HDAC8: variants seen among roughly 807,000 people sequenced by gnomAD.
The protein encoded by HDAC8 is histone deacetylase 8.
In HDAC8, 1 loss-of-function variant was observed where a neutral mutation model predicts 32.2. That is an observed-to-expected ratio of 0.03 (90% CI 0.01 to 0.15). HDAC8 has a LOEUF of 0.15. Among genes scored for constraint, HDAC8 ranks in the 10% least tolerant of loss-of-function variants. The probability of loss-of-function intolerance (pLI) is 1.00; values close to 1 mark genes in which losing one functional copy is unlikely to be tolerated. For missense variants in HDAC8, 117 were observed against 300.0 expected (o/e 0.39, Z 4.51); for synonymous variants, 108 against 113.9 (o/e 0.95, Z 0.33).
chrX:72,406,263 C>A (rs2046036185), intron 9 of HDAC8, among the ~76,000 whole-genome samples: 1 of 111,921 alleles, frequency 8.9e-6, no homozygotes, highest in African/African-American at 3.3e-5. Context: ...GGGTCTATCT[C>A]TGTTGCCCAA....
chrX:72,505,842 C>G (rs1381708287), intron 4 of HDAC8, among the ~76,000 whole-genome samples: 1 of 111,493 alleles, frequency 9.0e-6, no homozygotes, highest in Non-Finnish European at 1.9e-5. Context: ...GTTTTGGCAC[C>G]TACTTGTAAA....
At chrX:72,530,952 G>A (rs1238043038) in intron 4 of HDAC8, among the ~76,000 whole-genome samples, 1 of 112,168 alleles carries the variant, frequency 8.9e-6, no homozygotes, top group Non-Finnish European at 1.9e-5. Flanking sequence ...GAAGAACACC[G>A]TGAAGGTGAC....
At chrX:72,367,836 G>A (rs782366679) in intron 9 of HDAC8, among the ~76,000 whole-genome samples, 113 of 112,863 alleles carry the variant, frequency 1.0e-3, no homozygotes, top group African/African-American at 3.4e-3. Flanking sequence ...CTCACAGCAG[G>A]CTCTGCTTCC....
chrX:72,496,980 C>T (rs993602403), intron 4 of HDAC8, among the ~76,000 whole-genome samples: 7 of 111,533 alleles, frequency 6.3e-5, no homozygotes, highest in Non-Finnish European at 1.3e-4. Flanking sequence ...TTTTGCGTTA[C>T]GAGAAATGGC....
intron 9 of HDAC8, among the ~76,000 whole-genome samples, chrX:72,431,671 T>A (rs2046822480): frequency 9.0e-6 from 1 of 111,523 alleles, no homozygotes; most frequent in Admixed American, 9.6e-5. Context: ...TTGTTGAAGT[T>A]CCTCTCATCA....
At chrX:72,335,969 A>T (rs1402069778) in intron 10 of HDAC8, among the ~76,000 whole-genome samples, 1 of 110,828 alleles carries the variant, frequency 9.0e-6, no homozygotes, top group African/African-American at 3.3e-5. Flanking sequence ...AACAAACAAC[A>T]AAAAAGACCC....
intron 9 of HDAC8, among the ~76,000 whole-genome samples, chrX:72,454,275 G>A (rs1378317833): frequency 1.8e-5 from 2 of 111,769 alleles, no homozygotes; most frequent in African/African-American, 6.5e-5. Flanking sequence ...TGTTACCCTG[G>A]TGGCAGACAG....
intron 4 of HDAC8, among the ~76,000 whole-genome samples, chrX:72,519,090 A>G (rs1253699240): frequency 1.8e-5 from 2 of 112,562 alleles, no homozygotes; most frequent in African/African-American, 6.4e-5. Flanking sequence ...TGTGTAAATA[A>G]CCTAGGAGCA....
chrX:72,462,334 A>G (rs2047890923), intron 8 of HDAC8: 1 of 308,630 alleles, frequency 3.2e-6, no homozygotes, highest in East Asian at 4.9e-5. Context: ...AAGATTAAAT[A>G]GGCTCCCATC....
chrX:72,405,982 C>A (rs144884647), intron 9 of HDAC8, among the ~76,000 whole-genome samples: 1,715 of 111,886 alleles, frequency 0.015, 17 homozygotes, highest in Non-Finnish European at 0.023. Context: ...TTTAGCATAA[C>A]TGTTTTATAT....
At chrX:72,433,640 T>G (rs782427935) in intron 9 of HDAC8, among the ~76,000 whole-genome samples, 4 of 111,993 alleles carry the variant, frequency 3.6e-5, no homozygotes, top group Non-Finnish European at 7.5e-5. Context: ...AGCTGTGAGA[T>G]TCTCAAAGGG....
intron 7 of HDAC8, among the ~76,000 whole-genome samples, chrX:72,485,391 A>T (rs781811875): frequency 8.9e-6 from 1 of 111,891 alleles, no homozygotes. Flanking sequence ...GGAAATGTTC[A>T]TGTAAAGATT....
intron 4 of HDAC8, among the ~76,000 whole-genome samples, chrX:72,533,561 A>G (rs73218364): frequency 0.031 from 3,459 of 111,961 alleles, 63 homozygotes; most frequent in Non-Finnish European, 0.047. Flanking sequence ...CAAAAACATC[A>G]TAAGAAAACT....
intron 4 of HDAC8, among the ~76,000 whole-genome samples, chrX:72,522,621 AT>A (rs1349622617): frequency 1.8e-5 from 2 of 112,504 alleles, no homozygotes; most frequent in Admixed American, 1.9e-4. Context: ...CGATTGCTGC[AT>A]ATTAAAAATT....
chrX:72,483,281 G>A (rs1187112929), intron 7 of HDAC8, among the ~76,000 whole-genome samples: 1 of 111,706 alleles, frequency 9.0e-6, no homozygotes, highest in Non-Finnish European at 1.9e-5. Flanking sequence ...CAATGTTGGA[G>A]GTAGGGCGTG....
intron 9 of HDAC8, among the ~76,000 whole-genome samples, chrX:72,446,764 T>G (rs971561042): frequency 2.7e-5 from 3 of 110,937 alleles, no homozygotes; most frequent in African/African-American, 6.6e-5. Flanking sequence ...ATATCACCAC[T>G]GATCCCACAG....
chrX:72,552,087 T>C (rs1365319864), intron 4 of HDAC8, among the ~76,000 whole-genome samples: 3 of 112,608 alleles, frequency 2.7e-5, no homozygotes, highest in Admixed American at 9.4e-5. Context: ...TAAAAAGTTT[T>C]ATTTATAAAA....
At chrX:72,480,500 C>T (rs996918614) in intron 7 of HDAC8, 8 of 307,564 alleles carry the variant, frequency 2.6e-5, no homozygotes, top group East Asian at 2.1e-4. Context: ...GACAGTGTTG[C>T]GATTCCTCAA....
intron 4 of HDAC8, among the ~76,000 whole-genome samples, chrX:72,549,016 T>C (rs1369206143): frequency 2.7e-5 from 3 of 112,051 alleles, no homozygotes; most frequent in Admixed American, 1.9e-4. Context: ...CTGTGGTACA[T>C]TGGAGGACTG....
Sources: allele counts gnomAD v4.1 joint callset (sites outside exome capture counted in the v4.1 genomes callset), GRCh38; gene constraint gnomAD v4.1.1; transcripts MANE v1.5; gene names NCBI Gene and HGNC (gene_info 2026-07-23, HGNC 2026-07-21).